SSBP3: variants seen among roughly 807,000 people sequenced by gnomAD.
SSBP3 encodes single stranded DNA binding protein 3.
In SSBP3, 5 loss-of-function variants were observed where a neutral mutation model predicts 69.6. That is an observed-to-expected ratio of 0.07 (90% CI 0.04 to 0.15). SSBP3 has a LOEUF of 0.15. Ranked by LOEUF, SSBP3 falls within the 10% of genes least tolerant of loss-of-function variation. The probability of loss-of-function intolerance (pLI) is 1.00; values close to 1 mark genes in which losing one functional copy is unlikely to be tolerated. For synonymous variants in SSBP3, 196 were observed against 193.4 expected, an observed-to-expected ratio of 1.01 and a Z score of -0.11; for missense variants, 312 against 534.0, an observed-to-expected ratio of 0.58 and a Z score of 4.10.
At chr1:54,238,529 C>G (rs986595738) in intron 14 of SSBP3, 6 of 368,096 alleles carry the variant, frequency 1.6e-5, no homozygotes, top group Non-Finnish European at 2.8e-5. Flanking sequence ...GCTGACTAAC[C>G]AAGTCCCATC....
In SSBP3 at chr1:54,399,245, G is replaced by A. The variant is rs1649119922; in HGVS notation, c.276+2616C>T. 9.2e-5 allele frequency among the ~76,000 whole-genome samples: 14 copies of A among 152,364 alleles called. No individual in the cohort carries two copies. The South Asian group carries it at 2.5e-3, about 27-fold the overall frequency. On this transcript the variant is annotated intron_variant, in intron 4 of 17. Transcript: ENST00000610401. ...ACAACCCTAAGTGAGAAGTTAGGTGGAATAGTGCCAACAAATGGTACTTGC... is the reference window on the plus strand; with the variant it reads ...ACAACCCTAAGTGAGAAGTTAGGTGAAATAGTGCCAACAAATGGTACTTGC...
intron 4 of SSBP3, among the ~76,000 whole-genome samples, chr1:54,364,139 TAA>T (rs1214641246): frequency 6.6e-6 from 1 of 152,218 alleles, no homozygotes; most frequent in Non-Finnish European, 1.5e-5. Flanking sequence ...TATTTGTAAA[TAA>T]AGTTTTATTG....
At chr1:54,288,473 A>G (rs1199825875) in intron 4 of SSBP3, among the ~76,000 whole-genome samples, 2 of 150,648 alleles carry the variant, frequency 1.3e-5, no homozygotes, top group African/African-American at 4.9e-5. Context: ...TTGATACCTG[A>G]GCTTATTTTA....
At chr1:54,401,992 G>A in intron 3 of SSBP3, 47 bp from the exon 4 acceptor site, 3 of 1,549,006 alleles carry the variant, frequency 1.9e-6, no homozygotes, top group Non-Finnish European at 2.7e-6. Flanking sequence ...ATTATTACTT[G>A]TGTACACAAG....
chr1:54,276,608 C>CACAAAAAAAAAA (rs1553129772), intron 5 of SSBP3, among the ~76,000 whole-genome samples: 8 of 35,214 alleles, frequency 2.3e-4, no homozygotes, highest in African/African-American at 1.0e-3. Flanking sequence ...GACTCTGTCT[C>CACAAAAAAAAAA]AAAAAAAAAA....
intron 5 of SSBP3, 80 bp downstream of exon 5, chr1:54,281,358 T>C (rs1375555902): frequency 8.3e-7 from 1 of 1,204,094 alleles, no homozygotes; most frequent in East Asian, 2.6e-5. Flanking sequence ...GCTACTTACT[T>C]CTCTCCCGCC....
At chr1:54,271,285 A>G (rs1645188581) in intron 5 of SSBP3, among the ~76,000 whole-genome samples, 1 of 151,762 alleles carries the variant, frequency 6.6e-6, no homozygotes, top group African/African-American at 2.4e-5. Flanking sequence ...TAATTTTTTA[A>G]TTTTTCTTTT....
chr1:54,304,196 G>C (rs1019948002), intron 4 of SSBP3, among the ~76,000 whole-genome samples: 1 of 152,172 alleles, frequency 6.6e-6, no homozygotes, highest in East Asian at 1.9e-4. Flanking sequence ...GGAACCAAAC[G>C]ACACAGGATG....
chr1:54,382,177 G>A (rs548365151), intron 4 of SSBP3, among the ~76,000 whole-genome samples: 1 of 152,310 alleles, frequency 6.6e-6, no homozygotes, highest in East Asian at 1.9e-4. Context: ...CTGGGCAATA[G>A]AGCGAGACTC....
chr1:54,282,424 TGA>T (rs1402469142), intron 4 of SSBP3, among the ~76,000 whole-genome samples: 1 of 152,214 alleles, frequency 6.6e-6, no homozygotes, highest in Non-Finnish European at 1.5e-5. Flanking sequence ...AGGTGTCTCA[TGA>T]GAGAGAGGGG....
chr1:54,380,160 C>T (rs1045416147), intron 4 of SSBP3, among the ~76,000 whole-genome samples: 15 of 152,186 alleles, frequency 9.9e-5, no homozygotes, highest in Non-Finnish European at 2.2e-4. Context: ...GTGGCGGCCT[C>T]GGCTCCCACA....
intron 4 of SSBP3, among the ~76,000 whole-genome samples, chr1:54,288,462 C>T (rs1265355692): frequency 3.3e-5 from 5 of 151,878 alleles, no homozygotes; most frequent in South Asian, 4.2e-4. Flanking sequence ...TGAGGGTGGT[C>T]TTGATACCTG....
At chr1:54,274,240 C>T (rs554028000) in intron 5 of SSBP3, among the ~76,000 whole-genome samples, 22 of 152,346 alleles carry the variant, frequency 1.4e-4, no homozygotes, top group African/African-American at 5.0e-4. Context: ...CCCACCCAGG[C>T]CTGTCTTCCT....
At chr1:54,277,220 A>G (rs931652192) in intron 5 of SSBP3, among the ~76,000 whole-genome samples, 1 of 152,064 alleles carries the variant, frequency 6.6e-6, no homozygotes. Context: ...CATGGTAGAC[A>G]TTGCCAGTCA....
In SSBP3 at chr1:54,238,304, C is replaced by T. The variant is rs762772027; in HGVS notation, c.927+825G>A. 70 of 470,994 alleles carry T rather than the reference C, an allele frequency of 1.5e-4. 1 individual carries two copies. The highest frequency in any genetic ancestry group is 1.3e-3 in the Admixed American group (55 of 42,578). The allele number at this position is 470,994 out of a possible 1,614,324, so 29.2% of individuals were successfully genotyped here. A position where few individuals can be genotyped will look rare whatever the true frequency, so the allele number is the denominator to read the frequency against. On this transcript the variant is annotated intron_variant, in intron 14 of 17. Transcript: ENST00000610401. ...TACCCCCTCAACCAGGCCAAAGCCT[C>T]GCACTTTAGGGCCCCAGGCCCACTC...
chr1:54,346,761 G>T (rs1646697079), intron 4 of SSBP3, among the ~76,000 whole-genome samples: 1 of 151,442 alleles, frequency 6.6e-6, no homozygotes, highest in Admixed American at 6.6e-5. Context: ...CTTGCAGTGA[G>T]CCGAGATTGC....
intron 4 of SSBP3, among the ~76,000 whole-genome samples, chr1:54,301,755 C>T (rs1645806111): frequency 1.3e-5 from 2 of 152,178 alleles, no homozygotes; most frequent in Non-Finnish European, 2.9e-5. Context: ...CCCACCTGTC[C>T]GGCCGCCACC....
At position 54,386,683 on chromosome 1, in the gene SSBP3, C is replaced by CTTTTTTTT. The variant is rs58429798; in HGVS notation, c.276+15170_276+15177dup. ...ATCCACAATGTATAAACTGATCCTACTTTTTTTTTTTTTTTTTTTTTAAGA... is the reference window on the plus strand; with the variant it reads ...ATCCACAATGTATAAACTGATCCTACTTTTTTTTTTTTTTTTTTTTTTTTTTTTTAAGA... On this transcript the variant is annotated intron_variant, in intron 4 of 17. Transcript: ENST00000610401. Among the ~76,000 whole-genome samples, 127 of 76,086 alleles carry CTTTTTTTT rather than the reference C, an allele frequency of 1.7e-3. 22 individuals are homozygous for CTTTTTTTT. The highest frequency in any genetic ancestry group is 4.1e-3 in the African/African-American group (60 of 14,578). 49.9% of individuals were successfully genotyped at this position (76,086 alleles called of 152,430 possible). A position where few individuals can be genotyped will look rare whatever the true frequency, so the allele number is the denominator to read the frequency against.
chr1:54,241,142 T>A (rs1644630078), intron 12 of SSBP3, among the ~76,000 whole-genome samples, 183 bp from the exon 13 acceptor site: 1 of 152,192 alleles, frequency 6.6e-6, no homozygotes. Context: ...GGATGTCCCC[T>A]GTCCCTTTCT....
Sources: allele counts gnomAD v4.1 joint callset (sites outside exome capture counted in the v4.1 genomes callset), GRCh38; gene constraint gnomAD v4.1.1; transcripts MANE v1.5; gene names NCBI Gene and HGNC (gene_info 2026-07-23, HGNC 2026-07-21).